The following ZNF383 variants were observed in gnomAD, a reference collection of about 807,000 sequenced individuals.
ZNF383 encodes zinc finger protein 383.
A neutral mutation model predicts 44.2 loss-of-function variants in ZNF383; 32 were observed. The observed-to-expected ratio is 0.72, with a 90% CI of 0.55 to 0.97. The LOEUF is 0.97. Among genes scored for constraint, ZNF383 ranks in the 50% least tolerant of loss-of-function variants. The pLI is 0.00. For synonymous variants in ZNF383, 155 were observed against 186.2 expected, an observed-to-expected ratio of 0.83 and a Z score of 1.36; for missense variants, 487 against 562.5, an observed-to-expected ratio of 0.87 and a Z score of 1.36.
Position 37,247,310 on chromosome 19 carries a change from A to G in ZNF383, c.*3646A>G, listed in dbSNP as rs1974405053. On this transcript the variant is annotated 3_prime_UTR_variant, in exon 6 of 6. Coordinates refer to ENST00000684119, the MANE Select transcript of ZNF383 (RefSeq NM_001387601.1). ...TGATGGAAGAGAAAAAAAATGAGAC[A>G]AAGTTTAGTGATTCCAGAGGTGAAA... 13 of 152,218 alleles carry G rather than the reference A, an allele frequency of 8.5e-5. 1 individual carries two copies. Among genetic ancestry groups the G allele is most frequent in the Admixed American group, 8.5e-4 (13 of 15,274 alleles). 9.4% of individuals were successfully genotyped at this position (152,218 alleles called of 1,614,324 possible). A position where few individuals can be genotyped will look rare whatever the true frequency, so the allele number is the denominator to read the frequency against.
intron 3 of ZNF383, among the ~76,000 whole-genome samples, chr19:37,233,825 T>A (rs1973628844): frequency 6.6e-6 from 1 of 152,158 alleles, no homozygotes; most frequent in African/African-American, 2.4e-5. Context: ...GCTTTCTTTT[T>A]ATTAAATAAA....
chr19:37,227,718 G>A (rs1973251172), intron 2 of ZNF383: 1 of 152,392 alleles, frequency 6.6e-6, no homozygotes, highest in Admixed American at 6.5e-5. Context: ...GGCAGGGTAT[G>A]GAGTGAGAGT....
At chr19:37,234,538 C>T (rs988993182) in intron 3 of ZNF383, among the ~76,000 whole-genome samples, 7 of 151,944 alleles carry the variant, frequency 4.6e-5, no homozygotes, top group African/African-American at 7.3e-5. Context: ...TACAGGCGCC[C>T]GCCACCACGC....
intron 5 of ZNF383, 25 bp from the exon 6 acceptor site, chr19:37,242,444 C>T (rs774833378): frequency 1.4e-6 from 2 of 1,443,744 alleles, no homozygotes; most frequent in Admixed American, 4.3e-5. Context: ...GAAAAAAGAA[C>T]ATTTACCATT....
At chr19:37,234,434 G>T (rs1973665511) in intron 3 of ZNF383, among the ~76,000 whole-genome samples, 1 of 152,014 alleles carries the variant, frequency 6.6e-6, no homozygotes, top group Non-Finnish European at 1.5e-5. Context: ...TGTTGCCCAG[G>T]CTGGAGTGCA....
chr19:37,229,076 C>T (rs993899386), intron 2 of ZNF383, among the ~76,000 whole-genome samples: 7 of 149,514 alleles, frequency 4.7e-5, no homozygotes, highest in Non-Finnish European at 8.9e-5. Context: ...TTAGGAGACT[C>T]TTAAAAGGAG....
intron 2 of ZNF383, among the ~76,000 whole-genome samples, chr19:37,225,595 A>G (rs1973121988): frequency 6.6e-6 from 1 of 152,072 alleles, no homozygotes. Flanking sequence ...AAGTGGAATC[A>G]TTTATAATAG....
chr19:37,219,994 CTCTG>C (rs1249638788), intron 1 of ZNF383, among the ~76,000 whole-genome samples: 1 of 152,238 alleles, frequency 6.6e-6, no homozygotes, highest in South Asian at 2.1e-4. Flanking sequence ...CTCTCCCCTC[CTCTG>C]TCTCACACAC....
In ZNF383 at chr19:37,242,965, A is replaced by G. The variant is rs1974201771; in HGVS notation, c.729A>G (p.Gln243=). 6.2e-7 allele frequency: 1 copy of G among 1,613,998 alleles called. No homozygotes were observed. Among genetic ancestry groups the G allele is most frequent in the Non-Finnish European group, 8.5e-7 (1 of 1,180,020 alleles). The stretch of plus-strand genomic sequence containing the variant: ...TCAGTTGTAGCTCATACCTTTCTCA[A>G]CATCAGAGAATCCATACCGGTAAGA... ...KAFSCSSYLS[Q]HQRIHTGKKP... Residue 243 remains glutamine (Q), a synonymous_variant, in exon 6 of 6, where the codon CAA becomes CAG. Coordinates refer to ENST00000684119, the MANE Select transcript of ZNF383 (RefSeq NM_001387601.1).
In ZNF383 at chr19:37,247,159, A is replaced by G. The variant is rs377372328; in HGVS notation, c.*3495A>G. On this transcript the variant is annotated 3_prime_UTR_variant, in exon 6 of 6. Coordinates refer to ENST00000684119, the MANE Select transcript of ZNF383 (RefSeq NM_001387601.1). ...GTGCATATATTGTAATACTAGGAAG[A>G]AAAAATATAGAACCCAAGGAACTAA... is the stretch of plus-strand genomic sequence containing the variant. 1.0e-3 allele frequency: 152 copies of G among 152,298 alleles called. No individual in the cohort carries two copies. The highest frequency in any genetic ancestry group is 3.3e-3 in the African/African-American group (138 of 41,564). The allele number at this position is 152,298 out of a possible 1,614,324, so 9.4% of individuals were successfully genotyped here. A position where few individuals can be genotyped will look rare whatever the true frequency, so the allele number is the denominator to read the frequency against.
intron 5 of ZNF383, among the ~76,000 whole-genome samples, chr19:37,242,055 T>TATAGTATCTATATAG (rs1555784686): frequency 3.0e-5 from 2 of 66,796 alleles, no homozygotes; most frequent in South Asian, 1.0e-3. Context: ...AGATACTATA[T>TATAGTATCTATATAG]ATACTATATA....
intron 2 of ZNF383, chr19:37,226,398 A>C (rs1341432419): frequency 1.3e-5 from 2 of 152,282 alleles, no homozygotes; most frequent in East Asian, 1.9e-4. Flanking sequence ...GGTGTTACAC[A>C]TCCAGGGGTT....
At chr19:37,239,472 A>C (rs919331131) in intron 5 of ZNF383, among the ~76,000 whole-genome samples, 1 of 152,178 alleles carries the variant, frequency 6.6e-6, no homozygotes, top group African/African-American at 2.4e-5. Flanking sequence ...TTTACTAGAG[A>C]AGAAAACTCC....
In ZNF383 at chr19:37,243,297, C is replaced by A. The variant is rs141606442; in HGVS notation, c.1061C>A (p.Thr354Asn). 60 of 1,613,896 alleles carry A rather than the reference C, an allele frequency of 3.7e-5. No homozygotes were observed. The African/African-American group carries it at 6.8e-4, about 18-fold the overall frequency. Residue 354 changes from threonine (T) to asparagine (N), a missense_variant, in exon 6 of 6, where the codon ACT becomes AAT. Coordinates refer to ENST00000684119, the MANE Select transcript of ZNF383 (RefSeq NM_001387601.1). ...GKAFSSGSAL[T>N]NHQRIHTGEK... The stretch of plus-strand genomic sequence containing the variant: ...GCCTTTAGTAGTGGCTCAGCACTTA[C>A]TAATCATCAGAGAATTCACACTGGT...
chr19:37,229,634 A>ATATATATATATGTATATATATGTGTG (rs1568523551), intron 2 of ZNF383, among the ~76,000 whole-genome samples: 1 of 129,018 alleles, frequency 7.8e-6, no homozygotes, highest in African/African-American at 3.2e-5. Flanking sequence ...GTGTGTGTGT[A>ATATATATATATGTATATATATGTGTG]TATATATATA....
chr19:37,248,245 G>A lies in ZNF383; in HGVS notation c.*4581G>A, dbSNP rs1188721091. Reference sequence around the variant, plus strand: ...TTTTTATAGGTGAAATCTATGAAATGTCTTAGGAAACTCTTCTAGGACATA... The same window carrying A: ...TTTTTATAGGTGAAATCTATGAAATATCTTAGGAAACTCTTCTAGGACATA... On this transcript the variant is annotated 3_prime_UTR_variant, in exon 6 of 6. Coordinates refer to ENST00000684119, the MANE Select transcript of ZNF383 (RefSeq NM_001387601.1). 2.0e-5 allele frequency: 3 copies of A among 152,186 alleles called. No individual in the cohort carries two copies. The highest frequency in any genetic ancestry group is 4.8e-5 in the African/African-American group (2 of 41,462). The allele number at this position is 152,186 out of a possible 1,614,324, so 9.4% of individuals were successfully genotyped here.
intron 5 of ZNF383, among the ~76,000 whole-genome samples, chr19:37,236,773 T>G (rs1973821121): frequency 6.6e-6 from 1 of 151,966 alleles, no homozygotes; most frequent in African/African-American, 2.4e-5. Context: ...TTTCACCATA[T>G]TGGCCAGGCT....
chr19:37,227,791 A>C (rs1568522240), intron 2 of ZNF383: 1 of 152,282 alleles, frequency 6.6e-6, no homozygotes, highest in South Asian at 2.1e-4. Context: ...GCCCTTCCCT[A>C]TTTGGTAGCC....
chr19:37,236,725 A>G (rs1973817828), intron 5 of ZNF383, among the ~76,000 whole-genome samples: 2 of 152,012 alleles, frequency 1.3e-5, no homozygotes, highest in South Asian at 4.2e-4. Flanking sequence ...GCATGCCACC[A>G]TGCCCAGCTA....
Sources: allele counts gnomAD v4.1 joint callset (sites outside exome capture counted in the v4.1 genomes callset), GRCh38; gene constraint gnomAD v4.1.1; transcripts MANE v1.5; gene names NCBI Gene and HGNC (gene_info 2026-07-23, HGNC 2026-07-21).